WAPL: variants seen among roughly 807,000 people sequenced by gnomAD.
The protein encoded by WAPL is WAPL cohesin release factor.
A neutral mutation model predicts 121.0 loss-of-function variants in WAPL; 5 were observed. The observed-to-expected ratio is 0.04, with a 90% CI of 0.02 to 0.09. The LOEUF is 0.09. WAPL is among the 10% of genes least tolerant of loss of function. The probability of loss-of-function intolerance (pLI) is 1.00; values close to 1 mark genes in which losing one functional copy is unlikely to be tolerated. For synonymous variants in WAPL, 480 were observed against 481.5 expected, an observed-to-expected ratio of 1.00 and a Z score of 0.04; for missense variants, 999 against 1,410.8, an observed-to-expected ratio of 0.71 and a Z score of 4.68.
Position 86,472,275 on chromosome 10 carries a change from T to A in WAPL, c.1963A>T (p.Thr655Ser), listed in dbSNP as rs780066101. The A allele has an allele frequency of 5.6e-6, 9 of 1,609,304 alleles. No homozygotes were observed. The highest frequency in any genetic ancestry group is 7.6e-6 in the Non-Finnish European group (9 of 1,179,064). Residue 655 changes from threonine (T) to serine (S), a missense_variant, in exon 7 of 19, where the codon ACT becomes TCT. Physicochemically the swap from Thr to Ser is moderately conservative, Grantham distance 58. Coordinates refer to ENST00000298767, the MANE Select transcript of WAPL (RefSeq NM_015045.5). The surrounding 1 kb of genome is among the most constrained non-coding windows in gnomAD (Gnocchi z 4.2). The part of the protein sequence containing the change: ...VVEFGENQEF[T>S]DDIEYLLSGL... ...CTTAACAAGTACTCAATGTCATCAG[T>A]GAACTCTTGATTTTCACCAAATTCT...
intron 2 of WAPL, 93 bp downstream of exon 2, chr10:86,517,478 G>A: frequency 1.4e-6 from 2 of 1,444,590 alleles, no homozygotes; most frequent in South Asian, 3.0e-5. Flanking sequence ...AGTGCAGAAA[G>A]AAAACACAAT....
At chr10:86,473,202 T>TATATATATA in intron 5 of WAPL, among the ~76,000 whole-genome samples, 1 of 152,322 alleles carries the variant, frequency 6.6e-6, no homozygotes, top group South Asian at 2.1e-4. Flanking sequence ...GCATGCTATA[T>TATATATATA]TACTACTAAT....
At chr10:86,475,202 C>T (rs1204305028) in intron 4 of WAPL, among the ~76,000 whole-genome samples, 3 of 152,188 alleles carry the variant, frequency 2.0e-5, no homozygotes, top group African/African-American at 7.2e-5. Flanking sequence ...AAAACCCTCA[C>T]TTTCAAGAGA....
intron 4 of WAPL, among the ~76,000 whole-genome samples, chr10:86,483,522 A>G (rs906993431): frequency 6.6e-6 from 1 of 152,138 alleles, no homozygotes; most frequent in Non-Finnish European, 1.5e-5. Flanking sequence ...TGTATTTACT[A>G]TATTTTAACC....
At position 86,437,207 on chromosome 10, in the gene WAPL, G is replaced by A. The variant is rs960311701; in HGVS notation, c.*336C>T. On this transcript the variant is annotated 3_prime_UTR_variant, in exon 19 of 19. Coordinates refer to ENST00000298767, the MANE Select transcript of WAPL (RefSeq NM_015045.5). ...ATACACAGCAGTTGCACTAACAGCAGCACAAATTTTCCCCTTCAAACTTGC... is the reference window on the plus strand; with the variant it reads ...ATACACAGCAGTTGCACTAACAGCAACACAAATTTTCCCCTTCAAACTTGC... 4.5e-6 allele frequency: 1 copy of A among 222,658 alleles called. No individual in the cohort carries two copies. Among genetic ancestry groups the A allele is most frequent in the Admixed American group, 5.7e-5 (1 of 17,620 alleles). The allele number at this position is 222,658 out of a possible 1,614,324, so 13.8% of individuals were successfully genotyped here. A position where few individuals can be genotyped will look rare whatever the true frequency, so the allele number is the denominator to read the frequency against.
chr10:86,506,591 C>G (rs1168209818), intron 2 of WAPL, among the ~76,000 whole-genome samples: 1 of 152,038 alleles, frequency 6.6e-6, no homozygotes, highest in South Asian at 2.1e-4. Flanking sequence ...AGTCAGAGAC[C>G]AGCCTAGGCA....
chr10:86,455,828 A>G (rs928933257), intron 12 of WAPL, among the ~76,000 whole-genome samples: 2 of 152,202 alleles, frequency 1.3e-5, no homozygotes, highest in African/African-American at 4.8e-5. Context: ...TGCATAAAAA[A>G]TATAGCATCT....
chr10:86,481,944 CACTGTG>C (rs1292266321), intron 4 of WAPL, among the ~76,000 whole-genome samples: 1 of 151,918 alleles, frequency 6.6e-6, no homozygotes, highest in East Asian at 1.9e-4. Context: ...GGACAGCAAA[CACTGTG>C]AAGAGAAGCC....
intron 4 of WAPL, among the ~76,000 whole-genome samples, chr10:86,487,517 G>C (rs1008872542): frequency 1.3e-5 from 2 of 152,068 alleles, no homozygotes; most frequent in African/African-American, 4.8e-5. Flanking sequence ...TTCTGAGTCA[G>C]CCCTCAATCC....
intron 1 of WAPL, among the ~76,000 whole-genome samples, chr10:86,518,882 T>C (rs1330565972): frequency 6.6e-6 from 1 of 152,220 alleles, no homozygotes; most frequent in Non-Finnish European, 1.5e-5. Context: ...TGGTGTAATG[T>C]AATTTGCGCT....
At chr10:86,449,911 T>C (rs1442426897) in intron 15 of WAPL, among the ~76,000 whole-genome samples, 1 of 152,220 alleles carries the variant, frequency 6.6e-6, no homozygotes, top group African/African-American at 2.4e-5. Flanking sequence ...GACGGTTCTA[T>C]ATCTCAATGT....
At chr10:86,471,763 G>C (rs963592002) in intron 7 of WAPL, among the ~76,000 whole-genome samples, 6 of 152,046 alleles carry the variant, frequency 3.9e-5, no homozygotes, top group African/African-American at 1.5e-4. Context: ...AGCCTCCCAA[G>C]TAGCTGGAAC....
intron 14 of WAPL, 46 bp downstream of exon 14, chr10:86,453,174 C>A: frequency 6.4e-7 from 1 of 1,567,570 alleles, no homozygotes; most frequent in Non-Finnish European, 8.8e-7. Flanking sequence ...TTTTGCACAC[C>A]TTATTAGATA....
intron 4 of WAPL, among the ~76,000 whole-genome samples, chr10:86,476,444 T>G (rs1841656880): frequency 6.6e-6 from 1 of 151,896 alleles, no homozygotes; most frequent in Non-Finnish European, 1.5e-5. Flanking sequence ...ATCCCAGCAC[T>G]TTGGGAGGCC....
intron 4 of WAPL, among the ~76,000 whole-genome samples, chr10:86,496,435 AG>A (rs1334805959): frequency 1.3e-5 from 2 of 152,184 alleles, no homozygotes; most frequent in East Asian, 3.8e-4. Flanking sequence ...ATCCACTCCT[AG>A]GTATATATCC....
chr10:86,451,382 A>G (rs1379000024), intron 15 of WAPL, among the ~76,000 whole-genome samples: 3 of 151,998 alleles, frequency 2.0e-5, no homozygotes, highest in African/African-American at 7.3e-5. Flanking sequence ...CTACAGAGAA[A>G]TTATACCACC....
intron 2 of WAPL, among the ~76,000 whole-genome samples, chr10:86,505,299 T>TC (rs1246290909): frequency 2.6e-5 from 3 of 113,868 alleles, no homozygotes; most frequent in Admixed American, 9.6e-5. Context: ...AGTGCCCAAC[T>TC]CTTTTTTTTT....
chr10:86,440,080 T>A (rs1441874536), intron 17 of WAPL, among the ~76,000 whole-genome samples: 1 of 152,190 alleles, frequency 6.6e-6, no homozygotes, highest in East Asian at 1.9e-4. Flanking sequence ...TCCCACAATT[T>A]AAGAACATTC....
At chr10:86,460,252 G>C in intron 11 of WAPL, 147 bp downstream of exon 11, 1 of 636,912 alleles carries the variant, frequency 1.6e-6, no homozygotes, top group Non-Finnish European at 2.7e-6. Flanking sequence ...ATTAACAACT[G>C]GTTGCTCAAA....
Sources: allele counts gnomAD v4.1 joint callset (sites outside exome capture counted in the v4.1 genomes callset), GRCh38; gene constraint gnomAD v4.1.1; non-coding constraint Gnocchi (gnomAD v3.1); transcripts MANE v1.5; gene names NCBI Gene and HGNC (gene_info 2026-07-23, HGNC 2026-07-21).